The following PTPRT variants were observed in gnomAD, a reference collection of about 807,000 sequenced individuals.
The protein encoded by PTPRT is protein tyrosine phosphatase receptor type T, also known as receptor-type tyrosine-protein phosphatase T.
In PTPRT, 56 loss-of-function variants were observed where a neutral mutation model predicts 176.8. The observed-to-expected ratio is 0.32, with a 90% CI of 0.26 to 0.40. The LOEUF (loss-of-function observed/expected upper bound fraction) is 0.40. PTPRT is among the 10% of genes least tolerant of loss of function. The pLI is 1.00. For missense variants in PTPRT, 1,540 were observed against 1,908.2 expected (o/e 0.81, Z 3.60); for synonymous variants, 783 against 739.0 (o/e 1.06, Z -0.96).
rs2074546532 is a variant in PTPRT, at chr20:42,634,324, A to G, written c.1153+43542T>C. ...GGTTGAGGTAAGTATGAGTTGGTGC[A>G]CTACCCCCTATTTCTCTCTTTCTTT... On this transcript the variant is annotated intron_variant, in intron 7 of 30. Transcript: ENST00000373187. Among the ~76,000 whole-genome samples the G allele has an allele frequency of 2.0e-5, 3 of 148,794 alleles. No homozygotes were observed. The South Asian group carries it at 6.3e-4, about 31-fold the overall frequency.
chr20:42,893,019 C>A (rs138904553), intron 1 of PTPRT, among the ~76,000 whole-genome samples: 4 of 152,074 alleles, frequency 2.6e-5, no homozygotes, highest in Non-Finnish European at 5.9e-5. Context: ...GGAGTAAGAG[C>A]GAAGAACTCA....
intron 11 of PTPRT, among the ~76,000 whole-genome samples, chr20:42,346,165 G>A (rs1350076131): frequency 6.6e-6 from 1 of 152,094 alleles, no homozygotes; most frequent in African/African-American, 2.4e-5. Flanking sequence ...GAAGTCCAGA[G>A]GACCAGTCTC....
At chr20:43,184,459 C>A (rs747688674) in intron 1 of PTPRT, among the ~76,000 whole-genome samples, 1 of 152,054 alleles carries the variant, frequency 6.6e-6, no homozygotes, top group East Asian at 1.9e-4. Context: ...GAGGTCGAGG[C>A]GGGAGGATCA....
chr20:42,224,544 G>T (rs953190019), intron 15 of PTPRT, among the ~76,000 whole-genome samples: 1 of 152,188 alleles, frequency 6.6e-6, no homozygotes, highest in Non-Finnish European at 1.5e-5. Flanking sequence ...GGGCCAAATG[G>T]CCAGGCTAAT....
chr20:42,047,740 T>C, the PTPRT span, among the ~76,000 whole-genome samples: 1 of 152,136 alleles, frequency 6.6e-6, no homozygotes, highest in Non-Finnish European at 1.5e-5. Context: ...TTCTGGGAGA[T>C]TTGTCAGTCA....
chr20:42,423,178 TAAAAAA>T (rs34775268), intron 9 of PTPRT, among the ~76,000 whole-genome samples: 10 of 88,114 alleles, frequency 1.1e-4, no homozygotes, highest in Non-Finnish European at 2.1e-4. Flanking sequence ...ACCTTAAAAG[TAAAAAA>T]AAAAAAAAAA....
intron 7 of PTPRT, among the ~76,000 whole-genome samples, chr20:42,526,779 G>A (rs1020625120): frequency 1.1e-4 from 16 of 151,976 alleles, no homozygotes; most frequent in East Asian, 3.9e-4. Flanking sequence ...TTTATTTGAC[G>A]TGGAGCAGGG....
the PTPRT span, among the ~76,000 whole-genome samples, chr20:42,065,279 C>A: frequency 6.9e-6 from 1 of 144,404 alleles, no homozygotes; most frequent in Non-Finnish European, 1.5e-5. Flanking sequence ...ACAATGATCT[C>A]TTAGCTATTG....
Position 42,087,392 on chromosome 20 carries a change from G to A in PTPRT, c.3847-1539C>T, listed in dbSNP as rs1304213744. ...ACTACAGGCATGTGCCATCACACCC[G>A]GCTATTTTATTTTTTTTATTTTTAT... On this transcript the variant is annotated intron_variant, in intron 27 of 30. Coordinates refer to ENST00000373187, the MANE Select transcript of PTPRT (RefSeq NM_007050.6). Among the ~76,000 whole-genome samples, 6 of 151,220 alleles carry A rather than the reference G, an allele frequency of 4.0e-5. No individual in the cohort carries two copies. In the East Asian group the frequency reaches 5.9e-4, roughly 15 times the overall value.
At chr20:42,878,306 C>T (rs966297111) in intron 2 of PTPRT, among the ~76,000 whole-genome samples, 3 of 152,072 alleles carry the variant, frequency 2.0e-5, no homozygotes, top group Non-Finnish European at 4.4e-5. Context: ...TGGGAAAATG[C>T]TAAAGAAAAA....
rs79907246 is a variant in PTPRT at position 42,315,706 on chromosome 20, C to T, written c.2139+17G>A. ...TGCAAACAAGGCAAGGAATGGCCTC[C>T]ATGTGGCCATACTTACTCCATTGGC... On this transcript the variant is annotated intron_variant, in intron 12 of 30. Transcript: ENST00000373187. The T allele has an allele frequency of 2.8e-3, 4,492 of 1,607,404 alleles. 118 individuals are homozygous for T. In the African/African-American group the frequency reaches 0.052, roughly 19 times the overall value.
intron 15 of PTPRT, among the ~76,000 whole-genome samples, chr20:42,216,565 A>G (rs556127521): frequency 6.6e-6 from 1 of 152,324 alleles, no homozygotes; most frequent in Non-Finnish European, 1.5e-5. Flanking sequence ...TAATCAAGGT[A>G]CAAAATATAC....
chr20:42,729,034 C>T (rs1357335671), intron 6 of PTPRT, among the ~76,000 whole-genome samples: 1 of 151,928 alleles, frequency 6.6e-6, no homozygotes, highest in African/African-American at 2.4e-5. Context: ...CAGAACAATC[C>T]ATAGAGGGGC....
At chr20:43,042,547 C>CT (rs1445218015) in intron 1 of PTPRT, among the ~76,000 whole-genome samples, 3 of 151,866 alleles carry the variant, frequency 2.0e-5, no homozygotes, top group Non-Finnish European at 4.4e-5. Context: ...AAGAGTCCCC[C>CT]CTTGGTGACC....
chr20:42,282,608 T>C lies in PTPRT; in HGVS notation c.2140-83A>G, dbSNP rs2057159243. On this transcript the variant is annotated intron_variant, in intron 12 of 30. Coordinates refer to ENST00000373187, the MANE Select transcript of PTPRT (RefSeq NM_007050.6). ...ATATAAAGACAAAAATACATATATA[T>C]TTGCATATATATTCATGCATATGTA... 4 of 1,084,298 alleles carry C rather than the reference T, an allele frequency of 3.7e-6. No individual in the cohort carries two copies. The East Asian group carries it at 1.1e-4, about 29-fold the overall frequency. The allele number at this position is 1,084,298 out of a possible 1,614,324, so 67.2% of individuals were successfully genotyped here. A position where few individuals can be genotyped will look rare whatever the true frequency, so the allele number is the denominator to read the frequency against.
intron 2 of PTPRT, among the ~76,000 whole-genome samples, chr20:42,856,577 A>G (rs1477065315): frequency 6.6e-6 from 1 of 152,112 alleles, no homozygotes; most frequent in Admixed American, 6.5e-5. Flanking sequence ...GGAGTGTATC[A>G]GCTTCTCGAC....
chr20:42,264,456 A>G (rs1237191354), intron 13 of PTPRT, among the ~76,000 whole-genome samples: 1 of 152,160 alleles, frequency 6.6e-6, no homozygotes, highest in Non-Finnish European at 1.5e-5. Flanking sequence ...CCCATTCTGT[A>G]GTGTCAGCCT....
chr20:42,991,116 A>C (rs1983888755), intron 1 of PTPRT, among the ~76,000 whole-genome samples: 1 of 152,186 alleles, frequency 6.6e-6, no homozygotes, highest in Admixed American at 6.5e-5. Context: ...TACAAAAATG[A>C]GGGAAGCTGA....
intron 6 of PTPRT, among the ~76,000 whole-genome samples, chr20:42,752,563 G>A (rs1387160021): frequency 6.6e-6 from 1 of 152,186 alleles, no homozygotes; most frequent in Non-Finnish European, 1.5e-5. Context: ...GATATCCCAG[G>A]GTTGTGGGTG....
Sources: allele counts gnomAD v4.1 joint callset (sites outside exome capture counted in the v4.1 genomes callset), GRCh38; gene constraint gnomAD v4.1.1; transcripts MANE v1.5; gene names NCBI Gene and HGNC (gene_info 2026-07-23, HGNC 2026-07-21).